The following KDELR3 variants were observed in gnomAD, a reference collection of about 807,000 sequenced individuals.
KDELR3 encodes the protein ER lumen protein-retaining receptor 3.
In KDELR3, 26 loss-of-function variants were observed where a neutral mutation model predicts 22.7. The ratio of observed to expected loss-of-function variants is 1.15; its 90% CI spans 0.84 to 1.59. KDELR3 has a LOEUF of 1.59. KDELR3 is among the 40% of genes most tolerant of loss of function. The probability of loss-of-function intolerance (pLI) is 0.00; values close to 1 mark genes in which losing one functional copy is unlikely to be tolerated. For missense variants in KDELR3, 289 were observed against 251.1 expected, an observed-to-expected ratio of 1.15 and a Z score of -1.02; for synonymous variants, 120 against 98.2, an observed-to-expected ratio of 1.22 and a Z score of -1.31.
intron 1 of KDELR3, 139 bp downstream of exon 1, chr22:38,468,463 A>AC (rs1306952318): frequency 3.1e-6 from 2 of 638,786 alleles, no homozygotes; most frequent in Admixed American, 2.8e-5. Context: ...GCGGAGCTCC[A>AC]CTTCCAAAAA....
chr22:38,469,015 C>T (rs1007537236), intron 1 of KDELR3, among the ~76,000 whole-genome samples: 10 of 152,252 alleles, frequency 6.6e-5, no homozygotes, highest in African/African-American at 2.2e-4. Flanking sequence ...CCGGCATCCT[C>T]GTGGTGCCCT....
intron 1 of KDELR3, among the ~76,000 whole-genome samples, chr22:38,472,547 T>G (rs930285577): frequency 6.6e-5 from 10 of 151,972 alleles, no homozygotes; most frequent in African/African-American, 2.4e-4. Context: ...GCAGCATGGA[T>G]TCCGGGATGG....
intron 1 of KDELR3, among the ~76,000 whole-genome samples, chr22:38,470,735 C>T (rs146636692): frequency 3.9e-5 from 6 of 152,244 alleles, no homozygotes; most frequent in African/African-American, 9.6e-5. Context: ...GCTTAGTGGA[C>T]CCCGGAGGGA....
In KDELR3 at chr22:38,481,283, T is replaced by A. The variant is rs2145673377; in HGVS notation, c.423T>A (p.Thr141=). Residue 141 remains threonine, a synonymous_variant, in exon 4 of 5, where the codon ACT becomes ACA. Coordinates refer to ENST00000216014, the MANE Select transcript of KDELR3 (RefSeq NM_006855.4). ...CCCAGCTCTTCATGATCAGCAAGAC[T>A]GGAGAGGCTGAGACCATAACTACTC... ...ILPQLFMISK[T]GEAETITTHY... 2 of 1,614,188 alleles carry A rather than the reference T, an allele frequency of 1.2e-6. No homozygotes were observed. The highest frequency in any genetic ancestry group is 8.5e-7 in the Non-Finnish European group (1 of 1,180,028).
chr22:38,468,113 A>C lies in KDELR3; in HGVS notation c.-121A>C, dbSNP rs569149337. ...GCGCGGGTGCGATCGCGGAGCTGTG[A>C]GGCGCAGGCAGGGCTCTGGGGCACC... On this transcript the variant is annotated 5_prime_UTR_variant, in exon 1 of 5. Coordinates refer to ENST00000216014, the MANE Select transcript of KDELR3 (RefSeq NM_006855.4). 5 of 814,910 alleles carry C rather than the reference A, an allele frequency of 6.1e-6. No homozygotes were observed. The South Asian group carries it at 8.0e-5, about 13-fold the overall frequency. 50.5% of individuals were successfully genotyped at this position (814,910 alleles called of 1,614,324 possible). A position where few individuals can be genotyped will look rare whatever the true frequency, so the allele number is the denominator to read the frequency against.
chr22:38,479,130 C>G (rs951807622), intron 2 of KDELR3, among the ~76,000 whole-genome samples: 1 of 151,852 alleles, frequency 6.6e-6, no homozygotes. Flanking sequence ...TCTAGGGAGG[C>G]TGGAGCAGGA....
At chr22:38,479,937 G>A (rs981527360) in intron 3 of KDELR3, among the ~76,000 whole-genome samples, 186 bp downstream of exon 3, 2 of 152,190 alleles carry the variant, frequency 1.3e-5, no homozygotes, top group Non-Finnish European at 2.9e-5. Flanking sequence ...CATCTCAATA[G>A]TCATGATGCC....
At chr22:38,477,904 G>A (rs2089570781) in intron 2 of KDELR3, among the ~76,000 whole-genome samples, 2 of 152,182 alleles carry the variant, frequency 1.3e-5, no homozygotes. Context: ...AAAGAGGCTA[G>A]TTTCTACATT....
intron 2 of KDELR3, among the ~76,000 whole-genome samples, chr22:38,478,159 A>G (rs979022061): frequency 1.3e-5 from 2 of 149,950 alleles, no homozygotes; most frequent in African/African-American, 2.5e-5. Flanking sequence ...CTTCGAGGAA[A>G]TAACTCCAAA....
intron 4 of KDELR3, chr22:38,481,773 A>G (rs1298526802): frequency 5.7e-6 from 4 of 700,120 alleles, no homozygotes; most frequent in Non-Finnish European, 8.4e-6. Context: ...GTGATGGACA[A>G]AAAGCCTAGT....
intron 2 of KDELR3, among the ~76,000 whole-genome samples, chr22:38,477,828 T>C (rs1440835911): frequency 6.6e-6 from 1 of 152,210 alleles, no homozygotes; most frequent in African/African-American, 2.4e-5. Flanking sequence ...CAAGTCAGCC[T>C]TGGGCATTCC....
chr22:38,481,948 A>G (rs923365923), intron 4 of KDELR3, among the ~76,000 whole-genome samples: 18 of 150,454 alleles, frequency 1.2e-4, no homozygotes, highest in African/African-American at 4.3e-4. Flanking sequence ...AAGACACTTC[A>G]TATGTTTTAA....
chr22:38,474,941 G>A lies in KDELR3; in HGVS notation c.192+318G>A, dbSNP rs1464944889. On this transcript the variant is annotated intron_variant, in intron 2 of 4. Coordinates refer to ENST00000216014, the MANE Select transcript of KDELR3 (RefSeq NM_006855.4). The stretch of plus-strand genomic sequence containing the variant: ...TAAAAATACAAAAAATTAGCCGGGC[G>A]TGGTGGCTCATGCCTGCAGTCCCAG... 5.9e-5 allele frequency among the ~76,000 whole-genome samples: 9 copies of A among 151,830 alleles called. No individual in the cohort carries two copies. In the South Asian group the frequency reaches 8.3e-4, roughly 14 times the overall value.
Position 38,475,702 on chromosome 22 carries a change from C to T in KDELR3, c.192+1079C>T, listed in dbSNP as rs558082939. Among the ~76,000 whole-genome samples, 98 of 152,308 alleles carry T rather than the reference C, an allele frequency of 6.4e-4. No homozygotes were observed. In the Middle Eastern group the frequency reaches 0.014, roughly 21 times the overall value. ...AGTGCAGCAGCGCAATCTCAGCTCA[C>T]TGCAGCCTCCACCTCCTGGTTTCAA... On this transcript the variant is annotated intron_variant, in intron 2 of 4. Transcript: ENST00000216014.
At position 38,482,807 on chromosome 22, in the gene KDELR3, C is replaced by T. The variant is rs557574645; in HGVS notation, c.*271C>T. 195 of 450,760 alleles carry T rather than the reference C, an allele frequency of 4.3e-4. No individual in the cohort carries two copies. Among genetic ancestry groups the T allele is most frequent in the Non-Finnish European group, 4.8e-4 (123 of 254,542 alleles). The allele number at this position is 450,760 out of a possible 1,614,324, so 27.9% of individuals were successfully genotyped here. Reference sequence around the variant, plus strand: ...AAGAAACCTTAAGGTGTCTTACCGACGAAATAAAAAACATAAATGATTGTT... The same window carrying T: ...AAGAAACCTTAAGGTGTCTTACCGATGAAATAAAAAACATAAATGATTGTT... On this transcript the variant is annotated 3_prime_UTR_variant, in exon 5 of 5. Coordinates refer to ENST00000216014, the MANE Select transcript of KDELR3 (RefSeq NM_006855.4).
chr22:38,478,629 A>ACTTTTTTTTTTTTTTTTT (rs2089576691), intron 2 of KDELR3, among the ~76,000 whole-genome samples: 1 of 43,564 alleles, frequency 2.3e-5, no homozygotes, highest in Admixed American at 4.9e-4. Flanking sequence ...AGCATCTGTG[A>ACTTTTTTTTTTTTTTTTT]TTTTTTTTTT....
chr22:38,482,053 T>C (rs1264717245), intron 4 of KDELR3, among the ~76,000 whole-genome samples: 2 of 152,188 alleles, frequency 1.3e-5, no homozygotes, highest in African/African-American at 4.8e-5. Context: ...GTAAGGGGCT[T>C]GCACTACATT....
intron 1 of KDELR3, among the ~76,000 whole-genome samples, chr22:38,471,117 C>T (rs2089522157): frequency 6.6e-6 from 1 of 152,160 alleles, no homozygotes; most frequent in Admixed American, 6.5e-5. Flanking sequence ...GCACTCCAGC[C>T]TGGGCAACAA....
chr22:38,478,818 T>A (rs549513336), intron 2 of KDELR3, among the ~76,000 whole-genome samples: 1 of 151,402 alleles, frequency 6.6e-6, no homozygotes, highest in Non-Finnish European at 1.5e-5. Context: ...AGTTTTTTTA[T>A]TTTTAGTAGA....
Sources: allele counts gnomAD v4.1 joint callset (sites outside exome capture counted in the v4.1 genomes callset), GRCh38; gene constraint gnomAD v4.1.1; transcripts MANE v1.5; gene names NCBI Gene and HGNC (gene_info 2026-07-23, HGNC 2026-07-21).